Variants in TBCE observed in about 807,000 individuals in gnomAD.
The protein encoded by TBCE is tubulin-specific chaperone E.
In TBCE, 53 loss-of-function variants were observed where a neutral mutation model predicts 77.0. The ratio of observed to expected loss-of-function variants is 0.69; its 90% CI spans 0.55 to 0.87. TBCE has a LOEUF of 0.87. Among genes scored for constraint, TBCE ranks in the 40% least tolerant of loss-of-function variants. The probability of loss-of-function intolerance (pLI) is 0.00; values close to 1 mark genes in which losing one functional copy is unlikely to be tolerated. For missense variants in TBCE, 624 were observed against 622.4 expected, an observed-to-expected ratio of 1.00 and a Z score of -0.03; for synonymous variants, 235 against 241.3, an observed-to-expected ratio of 0.97 and a Z score of 0.24.
chr1:235,443,992 A>G (rs1336505924), intron 15 of TBCE, among the ~76,000 whole-genome samples: 1 of 152,258 alleles, frequency 6.6e-6, no homozygotes, highest in Non-Finnish European at 1.5e-5. Context: ...AAATGCTAAA[A>G]TATAAATAAT....
intron 2 of TBCE, among the ~76,000 whole-genome samples, chr1:235,387,168 A>C (rs1678063911): frequency 6.6e-6 from 1 of 152,156 alleles, no homozygotes; most frequent in East Asian, 1.9e-4. Context: ...GTTTTGTCTC[A>C]GAGGAGTACC....
At chr1:235,372,130 C>T (rs547071364) in intron 1 of TBCE, among the ~76,000 whole-genome samples, 27 of 152,266 alleles carry the variant, frequency 1.8e-4, no homozygotes, top group African/African-American at 6.5e-4. Flanking sequence ...TATAGGCGTG[C>T]ACCACCACAC....
chr1:235,420,027 G>T (rs1311948999), intron 5 of TBCE, among the ~76,000 whole-genome samples: 3 of 151,746 alleles, frequency 2.0e-5, no homozygotes. Flanking sequence ...GGAGGTTGCA[G>T]TGAGCTGAGA....
At chr1:235,443,285 T>C (rs1682028116) in intron 15 of TBCE, among the ~76,000 whole-genome samples, 1 of 152,124 alleles carries the variant, frequency 6.6e-6, no homozygotes. Flanking sequence ...CACGGCAGCC[T>C]CTGCTTCCTG....
Position 235,407,463 on chromosome 1 carries a change from A to G in TBCE, c.185+5876A>G, listed in dbSNP as rs145256835. On this transcript the variant is annotated intron_variant, in intron 3 of 16. Transcript: ENST00000642610. ...CATTGGCACTAGTCAAGTTTTGGAG[A>G]GCTGGCTAGCAAGCTCTGATTGGTG... Among the ~76,000 whole-genome samples the G allele has an allele frequency of 5.5e-3, 836 of 152,252 alleles. 8 individuals carry two copies. The highest frequency in any genetic ancestry group is 0.02 in the African/African-American group (812 of 41,546).
At position 235,378,366 on chromosome 1, in the gene TBCE, G is replaced by A. The variant is rs141057550; in HGVS notation, c.-31-1653G>A. On this transcript the variant is annotated intron_variant, in intron 1 of 16. Transcript: ENST00000642610. ...TTCCCAAGTAGCTGGGACTACAGGC[G>A]TGTGCCACAATGCCTGGCTAATTTT... Among the ~76,000 whole-genome samples the A allele has an allele frequency of 4.9e-3, 736 of 149,264 alleles. 5 individuals carry two copies. The highest frequency in any genetic ancestry group is 0.017 in the African/African-American group (675 of 40,046).
chr1:235,438,714 G>A, intron 12 of TBCE, 55 bp from the exon 13 acceptor site: 1 of 1,611,684 alleles, frequency 6.2e-7, no homozygotes, highest in Non-Finnish European at 8.5e-7. Context: ...AAACGCAAAG[G>A]ACATGTTAGA....
rs1161358105 is a variant in TBCE, at chr1:235,449,153, A to ATGATT, written c.*394_*398dup. 2.0e-5 allele frequency: 5 copies of ATGATT among 250,154 alleles called. No homozygotes were observed. The highest frequency in any genetic ancestry group is 1.6e-4 in the Admixed American group (3 of 19,348). 15.5% of individuals were successfully genotyped at this position (250,154 alleles called of 1,614,324 possible). A position where few individuals can be genotyped will look rare whatever the true frequency, so the allele number is the denominator to read the frequency against. On this transcript the variant is annotated 3_prime_UTR_variant, in exon 17 of 17. Coordinates refer to ENST00000642610, the MANE Select transcript of TBCE (RefSeq NM_003193.5). ...CTACTATTTTAAAGGGTTACTAGAA[A>ATGATT]TGATTTGGTTGGTCATTTTGGGAAA... is the stretch of plus-strand genomic sequence containing the variant.
intron 1 of TBCE, among the ~76,000 whole-genome samples, chr1:235,375,710 T>C (rs548586327): frequency 6.6e-6 from 1 of 152,016 alleles, no homozygotes; most frequent in South Asian, 2.1e-4. Context: ...AAGAAAGACA[T>C]TATTAGAAAC....
intron 2 of TBCE, among the ~76,000 whole-genome samples, chr1:235,381,971 C>T (rs1055544356): frequency 2.9e-5 from 3 of 102,068 alleles, no homozygotes; most frequent in East Asian, 3.6e-4. Context: ...CCCCTCCCCC[C>T]ACCCCACAAC....
rs1430202343 is a variant in TBCE at position 235,438,800 on chromosome 1, T to C, written c.1148T>C (p.Leu383Pro). 2 of 1,614,014 alleles carry C rather than the reference T, an allele frequency of 1.2e-6. No homozygotes were observed. The highest frequency in any genetic ancestry group is 2.2e-5 in the East Asian group (1 of 44,876). Residue 383 changes from leucine (L) to proline (P), a missense_variant, in exon 13 of 17, where the codon CTT becomes CCT. Coordinates refer to ENST00000642610, the MANE Select transcript of TBCE (RefSeq NM_003193.5). ...CCCGAGGAGAGGCGGAGAGCTGAGC[T>C]TGACTACCGAAAAGCTTTTGGAAAT... Reference protein sequence around the residue: ...ILPEERRRAELDYRKAFGNEW... With the variant: ...ILPEERRRAEPDYRKAFGNEW...
At chr1:235,386,445 G>A (rs1459903685) in intron 2 of TBCE, among the ~76,000 whole-genome samples, 1 of 152,066 alleles carries the variant, frequency 6.6e-6, no homozygotes, top group South Asian at 2.1e-4. Context: ...CCAATCAGAC[G>A]TAGATTTGGT....
At chr1:235,411,848 C>T (rs1348833655) in intron 3 of TBCE, among the ~76,000 whole-genome samples, 2 of 151,984 alleles carry the variant, frequency 1.3e-5, no homozygotes, top group Non-Finnish European at 2.9e-5. Context: ...AGCAATCTCC[C>T]TCCTTTGACC....
intron 8 of TBCE, 39 bp downstream of exon 8, chr1:235,434,319 A>C: frequency 6.6e-7 from 1 of 1,512,670 alleles, no homozygotes; most frequent in Non-Finnish European, 9.2e-7. Flanking sequence ...TCCCCATTTA[A>C]TCATCATTCT....
At position 235,450,372 on chromosome 1, in the gene TBCE, G is replaced by A; in HGVS notation, c.*1610G>A. The A allele has an allele frequency of 1.2e-6, 2 of 1,610,394 alleles. No homozygotes were observed. The highest frequency in any genetic ancestry group is 1.1e-5 in the South Asian group (1 of 90,990). On this transcript the variant is annotated 3_prime_UTR_variant, in exon 17 of 17. Coordinates refer to ENST00000642610, the MANE Select transcript of TBCE (RefSeq NM_003193.5). Reference sequence around the variant, plus strand: ...AGAAACAACCAAAGCCGATCTGAGAGTGGTGAAACTGTTTTAAGAGCATCA... The same window carrying A: ...AGAAACAACCAAAGCCGATCTGAGAATGGTGAAACTGTTTTAAGAGCATCA...
intron 8 of TBCE, among the ~76,000 whole-genome samples, chr1:235,434,610 C>T (rs1430421951): frequency 6.7e-6 from 1 of 148,296 alleles, no homozygotes; most frequent in East Asian, 2.0e-4. Flanking sequence ...GATCTTGGCT[C>T]ACTGTAACCT....
At position 235,445,259 on chromosome 1, in the gene TBCE, C is replaced by G. The variant is rs138272422; in HGVS notation, c.1399+2348C>G. Among the ~76,000 whole-genome samples, 17 of 152,278 alleles carry G rather than the reference C, an allele frequency of 1.1e-4. No individual in the cohort carries two copies. The East Asian group carries it at 3.3e-3, about 29-fold the overall frequency. On this transcript the variant is annotated intron_variant, in intron 15 of 16. Transcript: ENST00000642610. ...ATGTGCACTCACTCACTCACTCATA[C>G]AAAGGTTCTTAATACTAATTCTTAT... is the stretch of plus-strand genomic sequence containing the variant.
chr1:235,407,134 CT>C (rs1233356015), intron 3 of TBCE, among the ~76,000 whole-genome samples: 601 of 138,520 alleles, frequency 4.3e-3, no homozygotes, highest in African/African-American at 5.3e-3. Context: ...TGGCCCCCGC[CT>C]TTTTTTTTTT....
At chr1:235,433,247 G>A in intron 7 of TBCE, 1 of 1,153,890 alleles carries the variant, frequency 8.7e-7, no homozygotes, top group Non-Finnish European at 1.1e-6. Context: ...TTGAGATGGA[G>A]TCTTGCTCTG....
Sources: allele counts gnomAD v4.1 joint callset (sites outside exome capture counted in the v4.1 genomes callset), GRCh38; gene constraint gnomAD v4.1.1; transcripts MANE v1.5; gene names NCBI Gene and HGNC (gene_info 2026-07-23, HGNC 2026-07-21).